The following DGLUCY variants were observed in gnomAD, a reference collection of about 807,000 sequenced individuals.
DGLUCY encodes the protein D-glutamate cyclase, mitochondrial.
DGLUCY carries 58 observed loss-of-function variants against 58.5 expected under a neutral mutation model. That is an observed-to-expected ratio of 0.99 (90% CI 0.80 to 1.23). The LOEUF is 1.23. Among genes scored for constraint, DGLUCY ranks in the 50% most tolerant of loss-of-function variants. The pLI, the probability that DGLUCY is intolerant of heterozygous loss-of-function variation, is 0.00. For missense variants in DGLUCY, 779 were observed against 784.7 expected, an observed-to-expected ratio of 0.99 and a Z score of 0.09; for synonymous variants, 325 against 314.1, an observed-to-expected ratio of 1.03 and a Z score of -0.37.
intron 2 of DGLUCY, chr14:91,158,983 C>G (rs1448162201): frequency 1.5e-5 from 2 of 132,074 alleles, no homozygotes; most frequent in African/African-American, 5.5e-5. Context: ...GCATGCAATA[C>G]CATGCCTGGC....
chr14:91,145,689 G>C (rs79519339), intron 1 of DGLUCY, among the ~76,000 whole-genome samples: 1 of 152,008 alleles, frequency 6.6e-6, no homozygotes, highest in South Asian at 2.1e-4. Flanking sequence ...CAACATACCC[G>C]GTGCTCTCTC....
chr14:91,167,892 C>A (rs1295489104), intron 4 of DGLUCY, among the ~76,000 whole-genome samples: 5 of 152,158 alleles, frequency 3.3e-5, no homozygotes, highest in Admixed American at 6.5e-5. Flanking sequence ...CTCATCCTTT[C>A]TTCCCCAACC....
Position 91,181,316 on chromosome 14 carries a change from G to T in DGLUCY, c.861G>T (p.Leu287=), listed in dbSNP as rs2049153911. 6.2e-7 allele frequency: 1 copy of T among 1,614,160 alleles called. No homozygotes were observed. The highest frequency in any genetic ancestry group is 8.5e-7 in the Non-Finnish European group (1 of 1,180,040). ...PEVHHISQDP[L]HYSIASVSAS... ...TCCATCACATTTCCCAAGATCCTCT[G>T]CACTACAGCATCGCGTCAGTCTCTG... The change falls in exon 8 of 14, where the codon CTG becomes CTT. Residue 287 remains leucine, a synonymous_variant. Coordinates refer to ENST00000256324, the MANE Select transcript of DGLUCY (RefSeq NM_001102368.3).
At chr14:91,178,336 T>C (rs1285837705) in intron 7 of DGLUCY, among the ~76,000 whole-genome samples, 2 of 152,102 alleles carry the variant, frequency 1.3e-5, no homozygotes, top group Non-Finnish European at 2.9e-5. Context: ...AGCTAATTTT[T>C]AAATTTTTGT....
At chr14:91,140,922 C>G (rs2046630305) in intron 1 of DGLUCY, among the ~76,000 whole-genome samples, 1 of 152,100 alleles carries the variant, frequency 6.6e-6, no homozygotes, top group Non-Finnish European at 1.5e-5. Flanking sequence ...AGATGTGAAT[C>G]CTGTAGGATT....
At chr14:91,181,491 G>A (rs931046811) in intron 8 of DGLUCY, 102 bp downstream of exon 8, 7 of 1,165,736 alleles carry the variant, frequency 6.0e-6, no homozygotes, top group Non-Finnish European at 8.5e-6. Context: ...GATGCAAAAT[G>A]TATCCACAGG....
intron 1 of DGLUCY, among the ~76,000 whole-genome samples, chr14:91,095,686 G>T (rs1055766181): frequency 1.3e-5 from 2 of 152,184 alleles, no homozygotes; most frequent in African/African-American, 4.8e-5. Context: ...TGGGAAGAGA[G>T]AAAGATGGAG....
In DGLUCY at chr14:91,199,917, G is replaced by A. The variant is rs772201279; in HGVS notation, c.1444+12G>A. The A allele has an allele frequency of 1.2e-6, 2 of 1,614,086 alleles. No homozygotes were observed. Among genetic ancestry groups the A allele is most frequent in the Admixed American group, 3.3e-5 (2 of 60,014 alleles). On this transcript the variant is annotated intron_variant, in intron 11 of 13. Transcript: ENST00000256324. ...AATCTCATCAACTGGTAAGTATGGA[G>A]TACTGGGGATGCACCAAGAACGTGG...
chr14:91,113,690 C>T (rs2044751523), upstream of DGLUCY, among the ~76,000 whole-genome samples: 1 of 152,210 alleles, frequency 6.6e-6, no homozygotes, highest in African/African-American at 2.4e-5. Context: ...AATGCAGAAT[C>T]TCTGCCTGAC....
At chr14:91,154,707 A>G (rs2047515750) in intron 1 of DGLUCY, among the ~76,000 whole-genome samples, 1 of 151,984 alleles carries the variant, frequency 6.6e-6, no homozygotes. Context: ...CTGCGCTCCC[A>G]TCTCATCTGC....
chr14:91,060,380 C>T (rs1029077430), exon 1 of DGLUCY: 33 of 1,508,072 alleles, frequency 2.2e-5, no homozygotes, highest in Non-Finnish European at 2.9e-5. Flanking sequence ...CCTCCGTCGC[C>T]GCCGTCCGCG....
chr14:91,074,118 T>TACAC (rs3086753), intron 1 of DGLUCY, among the ~76,000 whole-genome samples: 3,075 of 70,250 alleles, frequency 0.044, 163 homozygotes, highest in African/African-American at 0.056. Flanking sequence ...TATATATATA[T>TACAC]ACACACACAC....
intron 1 of DGLUCY, among the ~76,000 whole-genome samples, chr14:91,071,239 A>G (rs2043910965): frequency 6.7e-6 from 1 of 150,280 alleles, no homozygotes; most frequent in Non-Finnish European, 1.5e-5. Context: ...CAAGAGGCTG[A>G]GGCAGGAGAA....
intron 5 of DGLUCY, among the ~76,000 whole-genome samples, chr14:91,172,519 G>C (rs1249150271): frequency 3.9e-5 from 6 of 152,300 alleles, no homozygotes; most frequent in Non-Finnish European, 7.3e-5. Flanking sequence ...TATCACGTTA[G>C]AGTTCTTCCT....
At chr14:91,114,789 G>T (rs917832996) in intron 1 of DGLUCY, 2 of 152,316 alleles carry the variant, frequency 1.3e-5, no homozygotes, top group African/African-American at 4.8e-5. Context: ...TTTGAAGAGT[G>T]AGTGATGGCT....
intron 7 of DGLUCY, among the ~76,000 whole-genome samples, chr14:91,179,885 A>G (rs529659312): frequency 9.4e-6 from 1 of 106,628 alleles, no homozygotes; most frequent in African/African-American, 3.4e-5. Flanking sequence ...TATGCTAAAC[A>G]CTTTTTTTTT....
At chr14:91,217,043 CG>C (rs1158356262) in intron 13 of DGLUCY, among the ~76,000 whole-genome samples, 1 of 152,198 alleles carries the variant, frequency 6.6e-6, no homozygotes, top group African/African-American at 2.4e-5. Flanking sequence ...GGCTCTAACC[CG>C]CCTCCTCTGG....
chr14:91,077,338 GAAAA>G (rs146152822), intron 1 of DGLUCY, among the ~76,000 whole-genome samples: 8,076 of 145,138 alleles, frequency 0.056, 265 homozygotes, highest in East Asian at 0.15. Flanking sequence ...GAGAGGCAGA[GAAAA>G]AAAGAAAGGG....
chr14:91,172,296 CT>C (rs1443188698), intron 5 of DGLUCY, among the ~76,000 whole-genome samples: 1 of 152,178 alleles, frequency 6.6e-6, no homozygotes, highest in African/African-American at 2.4e-5. Context: ...CCAGGCTGGT[CT>C]TGAACTTCTG....
Sources: gnomAD v4.1 joint callset for allele counts (sites outside exome capture counted in the v4.1 genomes callset) on GRCh38, gnomAD v4.1.1 for gene constraint, MANE v1.5 for transcripts, NCBI Gene and HGNC (gene_info 2026-07-23, HGNC 2026-07-21) for gene names.